Variants in AGTRAP observed in about 807,000 individuals in gnomAD.
AGTRAP encodes the protein type-1 angiotensin II receptor-associated protein.
A neutral mutation model predicts 15.2 loss-of-function variants in AGTRAP; 7 were observed. That is an observed-to-expected ratio of 0.46 (90% CI 0.26 to 0.87). The LOEUF (loss-of-function observed/expected upper bound fraction) is 0.87. Among genes scored for constraint, AGTRAP ranks in the 40% least tolerant of loss-of-function variants. AGTRAP has a pLI of 0.15. For missense variants in AGTRAP, 187 were observed against 213.4 expected, an observed-to-expected ratio of 0.88 and a Z score of 0.77; for synonymous variants, 74 against 89.6, an observed-to-expected ratio of 0.83 and a Z score of 0.98.
At chr1:11,736,651 C>G (rs372288671) in intron 1 of AGTRAP, among the ~76,000 whole-genome samples, 21 of 152,374 alleles carry the variant, frequency 1.4e-4, no homozygotes, top group African/African-American at 4.3e-4. Flanking sequence ...GTCCCAGCAC[C>G]GTTTCAGGAG....
Position 11,745,775 on chromosome 1 carries a change from C to A in AGTRAP, c.28-28C>A. The A allele has an allele frequency of 1.9e-6, 3 of 1,613,906 alleles. No homozygotes were observed. The highest frequency in any genetic ancestry group is 2.5e-6 in the Non-Finnish European group (3 of 1,179,790). On this transcript the variant is annotated intron_variant, in intron 1 of 4. Transcript: ENST00000314340. This position sits in a 1 kb window ranked among gnomAD's most constrained non-coding sequence, Gnocchi z 4.2. ...CCCTGTGGTGGTCATGTTCACAGAC[C>A]TCTTCTCTCCCCCTTGTTGTGCCAC...
At chr1:11,742,256 A>C (rs1490431915) in intron 1 of AGTRAP, among the ~76,000 whole-genome samples, 1 of 152,202 alleles carries the variant, frequency 6.6e-6, no homozygotes, top group East Asian at 1.9e-4. Context: ...GTGAAATGGG[A>C]ATAATAGTAC....
intron 1 of AGTRAP, chr1:11,744,431 C>T: frequency 1.5e-6 from 1 of 654,532 alleles, no homozygotes; most frequent in Non-Finnish European, 2.9e-6. Context: ...GAAGCCCACG[C>T]TCCTTCCCGA....
chr1:11,750,194 G>A lies in AGTRAP; in HGVS notation c.*2G>A, dbSNP rs531775665. The A allele has an allele frequency of 2.5e-6, 4 of 1,611,446 alleles. No individual in the cohort carries two copies. The South Asian group carries it at 4.4e-5, about 18-fold the overall frequency. On this transcript the variant is annotated 3_prime_UTR_variant, in exon 5 of 5. Transcript: ENST00000314340. ...AGTCAAGATGCCCGAGGGTACTGAA[G>A]CCAGCCACGCTGCGCCCGGCCCTGC... is the stretch of plus-strand genomic sequence containing the variant.
At chr1:11,741,046 C>T (rs1431873993) in intron 1 of AGTRAP, among the ~76,000 whole-genome samples, 1 of 152,032 alleles carries the variant, frequency 6.6e-6, no homozygotes, top group Non-Finnish European at 1.5e-5. Flanking sequence ...ATGCCCAGCC[C>T]TGCCTGCCCC....
rs919539825 is a variant in AGTRAP, at chr1:11,748,270, G to A, written c.169-145G>A. On this transcript the variant is annotated intron_variant, in intron 3 of 4. Coordinates refer to ENST00000314340, the MANE Select transcript of AGTRAP (RefSeq NM_020350.5). ...CAGTCTCAGCCAGCGGCTCCCCAGC[G>A]GGGCCCTGCCTGCTTGCTTGATCCA... is the stretch of plus-strand genomic sequence containing the variant. The A allele has an allele frequency of 1.8e-5, 16 of 911,086 alleles. No individual in the cohort carries two copies. The East Asian group carries it at 2.4e-4, about 14-fold the overall frequency. The allele number at this position is 911,086 out of a possible 1,614,324, so 56.4% of individuals were successfully genotyped here. A position where few individuals can be genotyped will look rare whatever the true frequency, so the allele number is the denominator to read the frequency against.
intron 1 of AGTRAP, 67 bp downstream of exon 1, chr1:11,736,302 G>A (rs1641894926): frequency 1.3e-6 from 2 of 1,575,584 alleles, no homozygotes; most frequent in South Asian, 1.2e-5. Context: ...TTTCCCGGAA[G>A]GTGGGAGGAA....
chr1:11,745,885 C>T lies in AGTRAP; in HGVS notation c.62+48C>T. The T allele has an allele frequency of 6.2e-7, 1 of 1,610,576 alleles. No homozygotes were observed. On this transcript the variant is annotated intron_variant, in intron 2 of 4. Transcript: ENST00000314340. This position sits in a 1 kb window ranked among gnomAD's most constrained non-coding sequence, Gnocchi z 4.2. The stretch of plus-strand genomic sequence containing the variant: ...TGTGTGTCTCCTGCGGTCTCAGGGT[C>T]TGTGTCAGCCGGGTCAGGTCCTGGT...
intron 1 of AGTRAP, among the ~76,000 whole-genome samples, chr1:11,736,520 C>T (rs965063465): frequency 2.0e-5 from 3 of 152,184 alleles, no homozygotes; most frequent in Non-Finnish European, 4.4e-5. Flanking sequence ...CAGCGCCGGT[C>T]CCAGCATTGC....
At position 11,747,558 on chromosome 1, in the gene AGTRAP, G is replaced by C. The variant is rs11578987; in HGVS notation, c.168+13G>C. ...CGCCATAAGCATGGTGAGCCAGGGT[G>C]GGGGAGAGGCGGCAAGGCGGGGAGC... is the stretch of plus-strand genomic sequence containing the variant. On this transcript the variant is annotated intron_variant, in intron 3 of 4. Transcript: ENST00000314340. The C allele has an allele frequency of 0.041, 66,623 of 1,612,858 alleles. 1,636 individuals carry two copies. Among genetic ancestry groups the C allele is most frequent in the Non-Finnish European group, 0.048 (57,140 of 1,179,652 alleles).
chr1:11,749,387 G>A (rs1434688022), intron 4 of AGTRAP, among the ~76,000 whole-genome samples: 1 of 152,230 alleles, frequency 6.6e-6, no homozygotes, highest in African/African-American at 2.4e-5. Context: ...GCCTGGGGCT[G>A]CCCACAGTGG....
At chr1:11,749,612 A>T (rs983073218) in intron 4 of AGTRAP, among the ~76,000 whole-genome samples, 1 of 152,126 alleles carries the variant, frequency 6.6e-6, no homozygotes, top group Non-Finnish European at 1.5e-5. Context: ...GGCCATCTGG[A>T]TATGGTAATG....
At position 11,736,250 on chromosome 1, in the gene AGTRAP, G is replaced by C. The variant is rs769654932; in HGVS notation, c.27+15G>C. 8 of 1,606,136 alleles carry C rather than the reference G, an allele frequency of 5.0e-6. No homozygotes were observed. Among genetic ancestry groups the C allele is most frequent in the Non-Finnish European group, 5.9e-6 (7 of 1,177,056 alleles). ...TGAACCTGAAGGTGGCGACGGGCTG[G>C]GGGGAGGGTCCCCTTTGCGGGAGGA... is the stretch of plus-strand genomic sequence containing the variant. On this transcript the variant is annotated intron_variant, in intron 1 of 4. Coordinates refer to ENST00000314340, the MANE Select transcript of AGTRAP (RefSeq NM_020350.5).
At chr1:11,737,407 A>G (rs905146393) in intron 1 of AGTRAP, among the ~76,000 whole-genome samples, 5 of 152,166 alleles carry the variant, frequency 3.3e-5, no homozygotes, top group Non-Finnish European at 7.4e-5. Context: ...CTTTTCTCTG[A>G]TGAGGGATTT....
Position 11,747,450 on chromosome 1 carries a change from G to A in AGTRAP, c.73G>A (p.Val25Ile), listed in dbSNP as rs1261818960. 2 of 1,614,014 alleles carry A rather than the reference G, an allele frequency of 1.2e-6. No homozygotes were observed. Among genetic ancestry groups the A allele is most frequent in the African/African-American group, 1.3e-5 (1 of 74,944 alleles). Residue 25 changes from valine (V) to isoleucine (I), a missense_variant, in exon 3 of 5, where the codon GTA (valine) becomes ATA (isoleucine). Coordinates refer to ENST00000314340, the MANE Select transcript of AGTRAP (RefSeq NM_020350.5). ...HWLLTTWGCI[V>I]FSGSYAWANF... Reference sequence around the variant, plus strand: ...TACCTCTTCCTACAGGGGCTGCATTGTATTCTCAGGCTCCTATGCCTGGGC... The same window carrying A: ...TACCTCTTCCTACAGGGGCTGCATTATATTCTCAGGCTCCTATGCCTGGGC...
intron 4 of AGTRAP, among the ~76,000 whole-genome samples, chr1:11,749,393 A>G (rs968306508): frequency 1.3e-5 from 2 of 151,730 alleles, no homozygotes; most frequent in African/African-American, 2.4e-5. Context: ...GGCTGCCCAC[A>G]GTGGCTGACC....
chr1:11,745,770 C>G lies in AGTRAP; in HGVS notation c.28-33C>G. 1 of 1,613,638 alleles carries G rather than the reference C, an allele frequency of 6.2e-7. No individual in the cohort carries two copies. Among genetic ancestry groups the G allele is most frequent in the Non-Finnish European group, 8.5e-7 (1 of 1,179,542 alleles). ...CCTGCCCCTGTGGTGGTCATGTTCA[C>G]AGACCTCTTCTCTCCCCCTTGTTGT... is the stretch of plus-strand genomic sequence containing the variant. On this transcript the variant is annotated intron_variant, in intron 1 of 4. Transcript: ENST00000314340. The surrounding 1 kb of genome is among the most constrained non-coding windows in gnomAD (Gnocchi z 4.2).
intron 4 of AGTRAP, 31 bp from the exon 5 acceptor site, chr1:11,750,046 T>G (rs1442932025): frequency 4.4e-6 from 7 of 1,577,462 alleles, no homozygotes; most frequent in Non-Finnish European, 6.1e-6. Flanking sequence ...ACCCTTCATT[T>G]TTCTTTCCCA....
Position 11,746,028 on chromosome 1 carries a change from G to T in AGTRAP, c.62+191G>T, listed in dbSNP as rs759304278. On this transcript the variant is annotated intron_variant, in intron 2 of 4. Transcript: ENST00000314340. ...ACCCTGCAGGAGCTGGGAGGGAGAC[G>T]TGGAAGTGCTCATCAGAGCTCCCCA... The T allele has an allele frequency of 8.8e-5, 119 of 1,352,434 alleles. No homozygotes were observed. In the African/African-American group the frequency reaches 1.7e-3, roughly 19 times the overall value. The allele number at this position is 1,352,434 out of a possible 1,614,324, so 83.8% of individuals were successfully genotyped here.
Sources: allele counts gnomAD v4.1 joint callset (sites outside exome capture counted in the v4.1 genomes callset), GRCh38; gene constraint gnomAD v4.1.1; non-coding constraint Gnocchi (gnomAD v3.1); transcripts MANE v1.5; gene names NCBI Gene and HGNC (gene_info 2026-07-23, HGNC 2026-07-21).